Variants in DENND5B observed in about 807,000 individuals in gnomAD.
The protein encoded by DENND5B is DENN domain-containing protein 5B.
DENND5B carries 34 observed loss-of-function variants against 140.6 expected under a neutral mutation model. The ratio of observed to expected loss-of-function variants is 0.24; its 90% CI spans 0.18 to 0.32. The LOEUF is 0.32. Ranked by LOEUF, DENND5B falls within the 10% of genes least tolerant of loss-of-function variation. The pLI is 1.00. For missense variants in DENND5B, 1,142 were observed against 1,560.2 expected (o/e 0.73, Z 4.52); for synonymous variants, 551 against 562.1 (o/e 0.98, Z 0.28).
intron 7 of DENND5B, among the ~76,000 whole-genome samples, chr12:31,436,462 T>C (rs1943761176): frequency 6.6e-6 from 1 of 152,176 alleles, no homozygotes; most frequent in African/African-American, 2.4e-5. Flanking sequence ...GGCTATTATT[T>C]GATCCTTAGC....
chr12:31,490,135 T>C (rs1415618051), intron 2 of DENND5B, among the ~76,000 whole-genome samples: 2 of 102,250 alleles, frequency 2.0e-5, no homozygotes, highest in Non-Finnish European at 3.9e-5. Flanking sequence ...GGTTGTACCA[T>C]TCACTGACAA....
At chr12:31,537,565 C>T (rs987994249) in intron 1 of DENND5B, among the ~76,000 whole-genome samples, 6 of 151,822 alleles carry the variant, frequency 4.0e-5, no homozygotes, top group African/African-American at 1.2e-4. Context: ...GAAGACAAGA[C>T]CCATAAAACA....
At chr12:31,426,661 CTCAT>C (rs1195611595) in intron 8 of DENND5B, 6 of 370,560 alleles carry the variant, frequency 1.6e-5, no homozygotes, top group African/African-American at 8.3e-5. Flanking sequence ...CACGTTAAAA[CTCAT>C]TCAAAGTGAG....
intron 3 of DENND5B, among the ~76,000 whole-genome samples, chr12:31,478,183 G>T (rs1945908552): frequency 2.0e-5 from 3 of 152,090 alleles, no homozygotes; most frequent in Non-Finnish European, 4.4e-5. Flanking sequence ...CATTATCAAA[G>T]AACATTATGT....
At chr12:31,452,798 G>GT (rs1944597072) in intron 4 of DENND5B, among the ~76,000 whole-genome samples, 1 of 152,040 alleles carries the variant, frequency 6.6e-6, no homozygotes, top group Non-Finnish European at 1.5e-5. Flanking sequence ...CCCTATGTGA[G>GT]TTTTTTATAC....
chr12:31,456,835 T>C (rs1312787751), intron 4 of DENND5B, among the ~76,000 whole-genome samples: 1 of 152,130 alleles, frequency 6.6e-6, no homozygotes, highest in Non-Finnish European at 1.5e-5. Context: ...CTGGTAATCT[T>C]TGGAAAGCCA....
chr12:31,516,146 T>C (rs1947633052), intron 1 of DENND5B, among the ~76,000 whole-genome samples: 1 of 152,164 alleles, frequency 6.6e-6, no homozygotes, highest in African/African-American at 2.4e-5. Flanking sequence ...TCTCTAATGA[T>C]GTACAGCATA....
At chr12:31,460,099 A>G (rs376809137) in intron 4 of DENND5B, 95 bp downstream of exon 4, 1 of 1,217,950 alleles carries the variant, frequency 8.2e-7, no homozygotes, top group Non-Finnish European at 1.1e-6. Context: ...TCAAAGAGAC[A>G]GATAAAATTT....
At position 31,392,463 on chromosome 12, in the gene DENND5B, G is replaced by A; in HGVS notation, c.3340-70C>T. ...TATGTCTAAAAAAAACACTAGAGAA[G>A]CAAGTGCTGAAGGTAGCTATATGAA... On this transcript the variant is annotated intron_variant, in intron 18 of 20. Coordinates refer to ENST00000389082, the MANE Select transcript of DENND5B (RefSeq NM_144973.4). 5 of 1,591,432 alleles carry A rather than the reference G, an allele frequency of 3.1e-6. No homozygotes were observed. In the South Asian group the frequency reaches 4.6e-5, roughly 15 times the overall value.
At position 31,402,579 on chromosome 12, in the gene DENND5B, G is replaced by A; in HGVS notation, c.2868C>T (p.Asn956=). 6.2e-7 allele frequency: 1 copy of A among 1,613,912 alleles called. No homozygotes were observed. Among genetic ancestry groups the A allele is most frequent in the Non-Finnish European group, 8.5e-7 (1 of 1,179,848 alleles). Residue 956 remains asparagine, a synonymous_variant, in exon 15 of 21, where the codon AAC becomes AAT. Coordinates refer to ENST00000389082, the MANE Select transcript of DENND5B (RefSeq NM_144973.4). ...GCTCTCCTGATACACAGATCCAAGG[G>A]TTTGATGTGATTATTGCATTGCTCA... The part of the protein sequence containing the change: ...KKLSNAIITS[N]PWICVSGELG...
At chr12:31,517,101 G>C (rs916845620) in intron 1 of DENND5B, among the ~76,000 whole-genome samples, 1 of 151,776 alleles carries the variant, frequency 6.6e-6, no homozygotes, top group African/African-American at 2.4e-5. Flanking sequence ...AATTCGGCTG[G>C]GGAAAAAAAA....
intron 11 of DENND5B, among the ~76,000 whole-genome samples, chr12:31,419,147 G>T (rs937034535): frequency 6.6e-6 from 1 of 152,254 alleles, no homozygotes; most frequent in East Asian, 1.9e-4. Flanking sequence ...AGCTAGAAGA[G>T]AATTTTATAA....
At chr12:31,431,555 T>C (rs1943512043) in intron 8 of DENND5B, among the ~76,000 whole-genome samples, 1 of 152,186 alleles carries the variant, frequency 6.6e-6, no homozygotes, top group South Asian at 2.1e-4. Context: ...ACCTTAAAGA[T>C]TCCTCTTGGC....
At chr12:31,428,192 A>G (rs1166826752) in intron 8 of DENND5B, among the ~76,000 whole-genome samples, 1 of 151,954 alleles carries the variant, frequency 6.6e-6, no homozygotes, top group Non-Finnish European at 1.5e-5. Flanking sequence ...CATCTCTACT[A>G]AAAATACAAA....
At chr12:31,510,554 C>T (rs542411450) in intron 1 of DENND5B, among the ~76,000 whole-genome samples, 19 of 152,290 alleles carry the variant, frequency 1.2e-4, no homozygotes, top group Admixed American at 3.9e-4. Flanking sequence ...CTAAGGTCCC[C>T]GTTTCCTTGC....
intron 1 of DENND5B, among the ~76,000 whole-genome samples, chr12:31,524,964 A>C (rs1948035616): frequency 6.6e-6 from 1 of 152,208 alleles, no homozygotes; most frequent in Admixed American, 6.5e-5. Flanking sequence ...ACAAATGACC[A>C]ATAGGCACAT....
At chr12:31,470,774 T>C (rs1945521593) in intron 3 of DENND5B, among the ~76,000 whole-genome samples, 1 of 152,138 alleles carries the variant, frequency 6.6e-6, no homozygotes, top group African/African-American at 2.4e-5. Context: ...AAAGACTCTC[T>C]CACTTGGTGT....
chr12:31,583,679 G>A (rs2139496961), intron 1 of DENND5B, among the ~76,000 whole-genome samples: 2 of 114,924 alleles, frequency 1.7e-5, no homozygotes, highest in South Asian at 3.1e-4. Flanking sequence ...CTGTGTCTGG[G>A]AAAAAACAAA....
chr12:31,538,969 T>C (rs1305373824), intron 1 of DENND5B, among the ~76,000 whole-genome samples: 1 of 150,490 alleles, frequency 6.6e-6, no homozygotes, highest in Non-Finnish European at 1.5e-5. Flanking sequence ...TTTTTTTTTT[T>C]TTGAAAAAAA....
Sources: allele counts gnomAD v4.1 joint callset (sites outside exome capture counted in the v4.1 genomes callset), GRCh38; gene constraint gnomAD v4.1.1; transcripts MANE v1.5; gene names NCBI Gene and HGNC (gene_info 2026-07-23, HGNC 2026-07-21).